Variants in WDFY4 observed in about 807,000 individuals in gnomAD.
WDFY4 encodes the protein WDFY family member 4, also known as WD repeat- and FYVE domain-containing protein 4.
WDFY4 carries 169 observed loss-of-function variants against 351.9 expected under a neutral mutation model. The observed-to-expected ratio is 0.48, with a 90% CI of 0.42 to 0.55. WDFY4 has a LOEUF of 0.55. Among genes scored for constraint, WDFY4 ranks in the 20% least tolerant of loss-of-function variants. WDFY4 has a pLI of 0.00. For synonymous variants in WDFY4, 1,622 were observed against 1,574.6 expected (o/e 1.03, Z -0.71); for missense variants, 3,803 against 3,935.6 (o/e 0.97, Z 0.90).
chr10:48,812,190 G>GTTTTTTTTTT (rs199764757), intron 30 of WDFY4, among the ~76,000 whole-genome samples: 1 of 137,532 alleles, frequency 7.3e-6, no homozygotes, highest in Non-Finnish European at 1.5e-5. Flanking sequence ...TTTTTTTTTT[G>GTTTTTTTTTT]TTTTTTTTGT....
chr10:48,738,274 G>A (rs1158333284), intron 11 of WDFY4, among the ~76,000 whole-genome samples: 1 of 152,202 alleles, frequency 6.6e-6, no homozygotes, highest in East Asian at 1.9e-4. Context: ...TGTTTACTCT[G>A]TAGCCCAGAG....
At chr10:48,977,618 C>A (rs1280629507) in intron 59 of WDFY4, among the ~76,000 whole-genome samples, 3 of 152,224 alleles carry the variant, frequency 2.0e-5, no homozygotes, top group Non-Finnish European at 4.4e-5. Context: ...CATCAGTGGG[C>A]CAGCCAGAGG....
intron 2 of WDFY4, among the ~76,000 whole-genome samples, chr10:48,719,760 T>TGGGCTCTGTGTGTTTGACATCTTAG (rs1208440164): frequency 6.6e-6 from 1 of 152,172 alleles, no homozygotes. Context: ...GGCGGTGGAC[T>TGGGCTCTGTGTGTTTGACATCTTAG]GGGCTCTGTG....
chr10:48,910,559 C>T (rs1313797997), intron 47 of WDFY4, among the ~76,000 whole-genome samples: 4 of 152,146 alleles, frequency 2.6e-5, no homozygotes, highest in African/African-American at 9.7e-5. Flanking sequence ...CGGAAGATGC[C>T]TCCTAACTGG....
At chr10:48,872,313 C>T (rs1332787811) in intron 40 of WDFY4, among the ~76,000 whole-genome samples, 1 of 152,190 alleles carries the variant, frequency 6.6e-6, no homozygotes, top group African/African-American at 2.4e-5. Flanking sequence ...CTCCCATGCT[C>T]AAGGAAGTCT....
intron 39 of WDFY4, among the ~76,000 whole-genome samples, chr10:48,857,108 T>A (rs2069160613): frequency 6.6e-6 from 1 of 152,192 alleles, no homozygotes; most frequent in African/African-American, 2.4e-5. Flanking sequence ...TTTGTTCAGA[T>A]AAAAATGATG....
At chr10:48,788,418 A>T in intron 20 of WDFY4, 112 bp from the exon 21 acceptor site, 1 of 1,305,066 alleles carries the variant, frequency 7.7e-7, no homozygotes, top group African/African-American at 1.5e-5. Context: ...ACAACATACA[A>T]ACATCCTCTC....
chr10:48,875,037 C>A lies in WDFY4; in HGVS notation c.6949-52C>A, dbSNP rs376598889. On this transcript the variant is annotated intron_variant, in intron 41 of 61. Transcript: ENST00000325239. ...TCTGTGGAATTGGAGGTGAGTGAAGCATAGATGTAGCATCCAGGATTTAAT... is the reference window on the plus strand; with the variant it reads ...TCTGTGGAATTGGAGGTGAGTGAAGAATAGATGTAGCATCCAGGATTTAAT... The A allele has an allele frequency of 1.4e-5, 17 of 1,189,946 alleles. No homozygotes were observed. The African/African-American group carries it at 1.9e-4, about 13-fold the overall frequency. 73.7% of individuals were successfully genotyped at this position (1,189,946 alleles called of 1,614,324 possible). A position where few individuals can be genotyped will look rare whatever the true frequency, so the allele number is the denominator to read the frequency against.
chr10:48,854,628 G>A (rs983553535), intron 39 of WDFY4, among the ~76,000 whole-genome samples: 6 of 152,178 alleles, frequency 3.9e-5, no homozygotes, highest in Admixed American at 2.0e-4. Flanking sequence ...CTCCTGTAAT[G>A]TGACTACTAA....
chr10:48,767,340 C>A (rs1166007062), intron 13 of WDFY4, among the ~76,000 whole-genome samples: 1 of 152,230 alleles, frequency 6.6e-6, no homozygotes. Context: ...CGCCTGCTCC[C>A]TTCCCTTCTA....
chr10:48,903,666 G>T (rs1374436346), intron 47 of WDFY4, among the ~76,000 whole-genome samples: 1 of 152,116 alleles, frequency 6.6e-6, no homozygotes, highest in African/African-American at 2.4e-5. Context: ...AGAAAGAGTG[G>T]CTGTAGGGCC....
At chr10:48,925,006 T>G (rs1839448469) in intron 47 of WDFY4, among the ~76,000 whole-genome samples, 1 of 152,218 alleles carries the variant, frequency 6.6e-6, no homozygotes, top group Non-Finnish European at 1.5e-5. Flanking sequence ...GAAACCCCCA[T>G]AGACACTGCC....
At chr10:48,974,516 A>AAAAAAAAAAAAAAAAAAAAAC (rs1554824248) in intron 57 of WDFY4, among the ~76,000 whole-genome samples, 1 of 16,330 alleles carries the variant, frequency 6.1e-5, no homozygotes, top group African/African-American at 8.4e-5. Context: ...AAAAAAAAAA[A>AAAAAAAAAAAAAAAAAAAAAC]AAAAAAAAAA....
intron 13 of WDFY4, among the ~76,000 whole-genome samples, chr10:48,760,989 G>A (rs1421893960): frequency 6.6e-6 from 1 of 152,204 alleles, no homozygotes; most frequent in East Asian, 1.9e-4. Context: ...TGTGACGAGT[G>A]ATATTACAGG....
At chr10:48,891,552 C>G (rs2070697307) in intron 44 of WDFY4, among the ~76,000 whole-genome samples, 1 of 152,222 alleles carries the variant, frequency 6.6e-6, no homozygotes, top group South Asian at 2.1e-4. Flanking sequence ...CTTGCCTTTT[C>G]CAGTTGACCC....
Position 48,778,639 on chromosome 10 carries a change from A to C in WDFY4, c.3204A>C (p.Gly1068=). 1.3e-6 allele frequency: 2 copies of C among 1,551,430 alleles called. No homozygotes were observed. Among genetic ancestry groups the C allele is most frequent in the Non-Finnish European group, 8.7e-7 (1 of 1,147,004 alleles). ...CCACCAGACCGTTCCCTCCTCCTGG[A>C]GGTCTGACCTTCTCCTGCTGGTTCC... ...TGATRPFPPP[G]GLTFSCWFLI... is the part of the protein sequence containing the mutation. The change falls in exon 18 of 62, where the codon GGA becomes GGC. Residue 1068 remains glycine (G), a synonymous_variant. Transcript: ENST00000325239.
At chr10:48,782,573 A>G (rs1482537282) in intron 19 of WDFY4, among the ~76,000 whole-genome samples, 1 of 152,242 alleles carries the variant, frequency 6.6e-6, no homozygotes, top group Non-Finnish European at 1.5e-5. Context: ...AGACTGACAG[A>G]GTGCGCTTTC....
At chr10:48,851,957 G>A (rs1164898921) in intron 39 of WDFY4, among the ~76,000 whole-genome samples, 1 of 152,240 alleles carries the variant, frequency 6.6e-6, no homozygotes, top group South Asian at 2.1e-4. Flanking sequence ...AGCTCTTAGA[G>A]GCCCTTTGTT....
intron 24 of WDFY4, among the ~76,000 whole-genome samples, chr10:48,800,353 C>T (rs984085443): frequency 2.6e-5 from 4 of 152,048 alleles, no homozygotes; most frequent in African/African-American, 9.7e-5. Context: ...CGGTGGGATC[C>T]GTGATGACTG....
Sources: gnomAD v4.1 joint callset for allele counts (sites outside exome capture counted in the v4.1 genomes callset) on GRCh38, gnomAD v4.1.1 for gene constraint, MANE v1.5 for transcripts, NCBI Gene and HGNC (gene_info 2026-07-23, HGNC 2026-07-21) for gene names.